RANBP2: variants seen among roughly 807,000 people sequenced by gnomAD.
RANBP2 encodes the protein RAN binding protein 2, also known as E3 SUMO-protein ligase RanBP2.
Under a neutral mutation model 303.6 loss-of-function variants are expected in RANBP2, and 57 were observed. That is an observed-to-expected ratio of 0.19 (90% CI 0.15 to 0.23). The LOEUF is 0.23. RANBP2 is among the 10% of genes least tolerant of loss of function. RANBP2 has a pLI of 1.00. For missense variants in RANBP2, 3,138 were observed against 3,780.8 expected (o/e 0.83, Z 4.46); for synonymous variants, 1,167 against 1,301.5 (o/e 0.90, Z 2.23).
At chr2:109,526,716 C>T in the RANBP2 span, among the ~76,000 whole-genome samples, 11 of 152,134 alleles carry the variant, frequency 7.2e-5, no homozygotes, top group Middle Eastern at 3.2e-3. Flanking sequence ...GGGGGCTCAC[C>T]GATGACAGCT....
At chr2:108,752,734 A>C (rs1225780993) in intron 12 of RANBP2, among the ~76,000 whole-genome samples, 1 of 151,598 alleles carries the variant, frequency 6.6e-6, no homozygotes, top group African/African-American at 2.4e-5. Flanking sequence ...CGGAGCTTGC[A>C]GTGAGCCGAG....
chr2:108,736,827 G>C (rs1037064429), intron 6 of RANBP2, among the ~76,000 whole-genome samples: 26 of 152,028 alleles, frequency 1.7e-4, no homozygotes, highest in Non-Finnish European at 2.6e-4. Context: ...TTAGAGCAGG[G>C]GTTGATTAGA....
the RANBP2 span, among the ~76,000 whole-genome samples, chr2:108,960,820 T>A: frequency 3.3e-5 from 5 of 152,234 alleles, no homozygotes; most frequent in African/African-American, 1.2e-4. Context: ...GTTTGCTTAA[T>A]GATTTAATGA....
At chr2:109,536,310 C>T in the RANBP2 span, among the ~76,000 whole-genome samples, 1 of 152,154 alleles carries the variant, frequency 6.6e-6, no homozygotes, top group Non-Finnish European at 1.5e-5. Context: ...GGCAGAGCTG[C>T]CCAAGACCAT....
chr2:108,719,929 C>A (rs1573665129), intron 1 of RANBP2, among the ~76,000 whole-genome samples: 1 of 152,024 alleles, frequency 6.6e-6, no homozygotes, highest in African/African-American at 2.4e-5. Flanking sequence ...CGCTTGTTCC[C>A]GACGGTGCTC....
At chr2:109,142,611 G>C in the RANBP2 span, among the ~76,000 whole-genome samples, 1 of 152,170 alleles carries the variant, frequency 6.6e-6, no homozygotes, top group East Asian at 1.9e-4. Context: ...AGCCTCTCTG[G>C]GTTCTCTGGG....
At chr2:108,866,337 T>C in the RANBP2 span, among the ~76,000 whole-genome samples, 1 of 152,238 alleles carries the variant, frequency 6.6e-6, no homozygotes, top group African/African-American at 2.4e-5. Flanking sequence ...TTTAATCACA[T>C]CTGCAAAGCA....
chr2:108,815,343 GAA>G, the RANBP2 span, among the ~76,000 whole-genome samples: 2 of 151,342 alleles, frequency 1.3e-5, no homozygotes, highest in African/African-American at 4.9e-5. Context: ...GAATTTTTAT[GAA>G]AAGTTTTCTT....
chr2:109,547,803 G>A, the RANBP2 span, among the ~76,000 whole-genome samples: 1 of 152,226 alleles, frequency 6.6e-6, no homozygotes, highest in African/African-American at 2.4e-5. Context: ...CTGGCACTGA[G>A]TAAGCACTCG....
At chr2:108,791,883 C>T in the RANBP2 span, 4 of 1,337,976 alleles carry the variant, frequency 3.0e-6, no homozygotes, top group Admixed American at 2.5e-5. Context: ...CTAGTAATAA[C>T]ACTGGCCCCC....
At chr2:109,077,545 A>G in the RANBP2 span, among the ~76,000 whole-genome samples, 2 of 114,242 alleles carry the variant, frequency 1.8e-5, no homozygotes, top group Non-Finnish European at 4.1e-5. Context: ...GGGAGAAAAT[A>G]CAACCCATAT....
the RANBP2 span, among the ~76,000 whole-genome samples, chr2:109,652,351 A>T: frequency 2.6e-5 from 4 of 151,680 alleles, no homozygotes; most frequent in Admixed American, 6.6e-5. Context: ...GCCTCCTGAG[A>T]AGCTGGGACT....
the RANBP2 span, chr2:108,929,999 C>T: frequency 8.0e-7 from 1 of 1,254,812 alleles, no homozygotes; most frequent in East Asian, 2.6e-5. Flanking sequence ...GGGAGCGTGA[C>T]CGGCTGGTTT....
chr2:108,831,572 A>G, the RANBP2 span, among the ~76,000 whole-genome samples: 1 of 152,222 alleles, frequency 6.6e-6, no homozygotes, highest in Non-Finnish European at 1.5e-5. Context: ...ACTGAAAGTC[A>G]GATATCTAAG....
At chr2:109,618,757 C>A in the RANBP2 span, 1 of 166,966 alleles carries the variant, frequency 6.0e-6, no homozygotes, top group Non-Finnish European at 1.5e-5. Flanking sequence ...CCAAGTATGT[C>A]CATGTGTTTC....
the RANBP2 span, among the ~76,000 whole-genome samples, chr2:109,116,732 C>G: frequency 6.6e-6 from 1 of 152,212 alleles, no homozygotes; most frequent in African/African-American, 2.4e-5. Context: ...TCCAGTTTTT[C>G]TGCTCTGTTT....
chr2:108,743,640 C>T (rs1385654241), intron 7 of RANBP2, among the ~76,000 whole-genome samples: 1 of 152,196 alleles, frequency 6.6e-6, no homozygotes, highest in African/African-American at 2.4e-5. Context: ...GTCTCCTTTC[C>T]TAGATGACAA....
chr2:109,532,900 TCTC>T, the RANBP2 span, among the ~76,000 whole-genome samples: 6 of 152,132 alleles, frequency 3.9e-5, no homozygotes, highest in Non-Finnish European at 8.8e-5. Flanking sequence ...CTGCCTAAAA[TCTC>T]CTGCTTCCTT....
the RANBP2 span, among the ~76,000 whole-genome samples, chr2:108,905,156 T>G: frequency 6.6e-6 from 1 of 152,150 alleles, no homozygotes; most frequent in African/African-American, 2.4e-5. Context: ...GAGAGGGTGT[T>G]AAGACCTGCA....
Sources: gnomAD v4.1 joint callset for allele counts (sites outside exome capture counted in the v4.1 genomes callset) on GRCh38, gnomAD v4.1.1 for gene constraint, MANE v1.5 for transcripts, NCBI Gene and HGNC (gene_info 2026-07-23, HGNC 2026-07-21) for gene names.